DLGAP1: variants seen among roughly 807,000 people sequenced by gnomAD.
The protein encoded by DLGAP1 is disks large-associated protein 1.
DLGAP1 carries 11 observed loss-of-function variants against 90.8 expected under a neutral mutation model. That is an observed-to-expected ratio of 0.12 (90% CI 0.08 to 0.20). DLGAP1 has a LOEUF of 0.20. Among genes scored for constraint, DLGAP1 ranks in the 10% least tolerant of loss-of-function variants. The probability of loss-of-function intolerance (pLI) is 1.00; values close to 1 mark genes in which losing one functional copy is unlikely to be tolerated. For synonymous variants in DLGAP1, 558 were observed against 540.7 expected (o/e 1.03, Z -0.44); for missense variants, 1,050 against 1,333.8 (o/e 0.79, Z 3.31).
chr18:3,879,690 C>A lies in DLGAP1; in HGVS notation c.379G>T (p.Ala127Ser), dbSNP rs779939084. The A allele has an allele frequency of 6.2e-7, 1 of 1,607,572 alleles. No homozygotes were observed. The highest frequency in any genetic ancestry group is 8.5e-7 in the Non-Finnish European group (1 of 1,179,760). The change falls in exon 4 of 13, where the codon GCC (alanine) becomes TCC (serine). Residue 127 changes from alanine (A) to serine (S), a missense_variant. By Grantham distance (99) the Ala-to-Ser change is moderately conservative (BLOSUM62 1). This residue lies in a region of DLGAP1 where 485 missense variants were observed against 454.1 expected (regional missense o/e 1.07). Coordinates refer to ENST00000315677, the MANE Select transcript of DLGAP1 (RefSeq NM_004746.4). The surrounding 1 kb of genome is among the most constrained non-coding windows in gnomAD (Gnocchi z 6.6). ...GGGCTGTCGCTGCGGTGCTCCACGG[C>A]CGTGCGCTTGTACTGCAGGGTGTGA... ...GYHTLQYKRT[A>S]VEHRSDSPGR...
Position 3,591,915 on chromosome 18 carries a change from C to T in DLGAP1, c.1592-9667G>A, listed in dbSNP as rs184049096. Among the ~76,000 whole-genome samples the T allele has an allele frequency of 2.0e-5, 3 of 152,080 alleles. No individual in the cohort carries two copies. The East Asian group carries it at 5.8e-4, about 30-fold the overall frequency. On this transcript the variant is annotated intron_variant, in intron 7 of 12. Transcript: ENST00000315677. ...GTCCATAGAAGGAATATGAGGACCT[C>T]ATAACAGAGGGAGTTCTCAGCCCCT...
At chr18:3,613,225 TG>T (rs2057713694) in intron 7 of DLGAP1, among the ~76,000 whole-genome samples, 1 of 152,210 alleles carries the variant, frequency 6.6e-6, no homozygotes, top group Non-Finnish European at 1.5e-5. Context: ...CATGAATTGT[TG>T]GTAGCACCTC....
chr18:3,761,958 A>G (rs968669789), intron 5 of DLGAP1, among the ~76,000 whole-genome samples: 1 of 152,116 alleles, frequency 6.6e-6, no homozygotes, highest in African/African-American at 2.4e-5. Context: ...TTTCTATTTC[A>G]TTTCTCAGTA....
At chr18:4,090,433 G>A (rs2075757271) in intron 2 of DLGAP1, among the ~76,000 whole-genome samples, 1 of 152,166 alleles carries the variant, frequency 6.6e-6, no homozygotes, top group South Asian at 2.1e-4. Context: ...AGCGGGCAAA[G>A]GACATGTACA....
At chr18:4,194,240 A>T (rs1025016103) in intron 1 of DLGAP1, among the ~76,000 whole-genome samples, 1 of 152,134 alleles carries the variant, frequency 6.6e-6, no homozygotes, top group Admixed American at 6.6e-5. Flanking sequence ...TTCCACTTAT[A>T]ACTGAAAGCA....
At chr18:4,404,615 T>C (rs1401971393) in intron 1 of DLGAP1, among the ~76,000 whole-genome samples, 4 of 152,358 alleles carry the variant, frequency 2.6e-5, no homozygotes, top group South Asian at 2.1e-4. Flanking sequence ...ATAAATCTAA[T>C]GAATTTGAAT....
intron 1 of DLGAP1, among the ~76,000 whole-genome samples, chr18:4,208,261 TAA>T (rs2077762379): frequency 6.6e-6 from 1 of 152,216 alleles, no homozygotes; most frequent in Admixed American, 6.5e-5. Context: ...ACATCTAAAA[TAA>T]TTTCCATAGA....
chr18:3,732,121 T>C (rs189440155), intron 6 of DLGAP1, among the ~76,000 whole-genome samples: 10 of 152,344 alleles, frequency 6.6e-5, no homozygotes, highest in South Asian at 4.1e-4. Context: ...GTTTGCCCCA[T>C]AGAGGTTCCC....
At chr18:3,691,220 G>C (rs572960173) in intron 7 of DLGAP1, among the ~76,000 whole-genome samples, 3 of 152,008 alleles carry the variant, frequency 2.0e-5, no homozygotes, top group Non-Finnish European at 4.4e-5. Flanking sequence ...AGGTGGAGGC[G>C]GGTGGATCAC....
At chr18:3,926,022 G>A (rs1008687818) in intron 3 of DLGAP1, among the ~76,000 whole-genome samples, 2 of 152,136 alleles carry the variant, frequency 1.3e-5, no homozygotes, top group Admixed American at 6.5e-5. Flanking sequence ...TGAGGTATGG[G>A]ACAGCAATTC....
At chr18:3,726,034 T>A (rs1461725809) in intron 7 of DLGAP1, among the ~76,000 whole-genome samples, 1 of 152,218 alleles carries the variant, frequency 6.6e-6, no homozygotes, top group Non-Finnish European at 1.5e-5. Flanking sequence ...AGATTTAGAA[T>A]GTGGATTGCT....
chr18:3,533,810 G>A (rs1164541695), intron 10 of DLGAP1, among the ~76,000 whole-genome samples: 2 of 152,098 alleles, frequency 1.3e-5, no homozygotes, highest in Non-Finnish European at 2.9e-5. Context: ...TATATTCATA[G>A]GATACATGAG....
intron 9 of DLGAP1, among the ~76,000 whole-genome samples, chr18:3,551,204 G>A (rs180990491): frequency 4.1e-5 from 6 of 145,894 alleles, no homozygotes; most frequent in Admixed American, 4.1e-4. Context: ...CTTTTTTTCT[G>A]AAATTTATCT....
In DLGAP1 at chr18:3,742,463, G is replaced by A; in HGVS notation, c.1222C>T (p.Leu408=). 1 of 1,614,164 alleles carries A rather than the reference G, an allele frequency of 6.2e-7. No homozygotes were observed. The highest frequency in any genetic ancestry group is 8.5e-7 in the Non-Finnish European group (1 of 1,180,038). ...ATGGAGACTTCACTCACTGCCCTCAGGTAACTATGACTCCGGATCTGGAGT... is the reference window on the plus strand; with the variant it reads ...ATGGAGACTTCACTCACTGCCCTCAAGTAACTATGACTCCGGATCTGGAGT... ...PKLQIRSHSY[L]RAVSEVSINR... The change falls in exon 6 of 13, where the codon CTG becomes TTG. Residue 408 remains leucine (L), a synonymous_variant. Coordinates refer to ENST00000315677, the MANE Select transcript of DLGAP1 (RefSeq NM_004746.4).
chr18:4,138,393 A>G (rs183087328), intron 2 of DLGAP1, among the ~76,000 whole-genome samples: 1 of 152,086 alleles, frequency 6.6e-6, no homozygotes, highest in East Asian at 1.9e-4. Flanking sequence ...TTTTGTCCTT[A>G]ATTCTCTTTA....
intron 1 of DLGAP1, among the ~76,000 whole-genome samples, chr18:4,281,476 C>T (rs1385121762): frequency 6.6e-6 from 1 of 152,086 alleles, no homozygotes; most frequent in Non-Finnish European, 1.5e-5. Context: ...ATTGCCTAAA[C>T]CCAGGAGGCA....
intron 5 of DLGAP1, among the ~76,000 whole-genome samples, chr18:3,772,012 T>C (rs996199354): frequency 6.6e-6 from 1 of 152,200 alleles, no homozygotes; most frequent in Admixed American, 6.5e-5. Context: ...TAAAATACAA[T>C]AGAATTATGA....
At chr18:4,284,720 C>T (rs182029642) in intron 1 of DLGAP1, among the ~76,000 whole-genome samples, 37 of 152,244 alleles carry the variant, frequency 2.4e-4, no homozygotes, top group South Asian at 2.3e-3. Flanking sequence ...GGAGTGCCGC[C>T]TTCACAGGTC....
intron 3 of DLGAP1, among the ~76,000 whole-genome samples, chr18:3,981,348 G>A (rs2073723933): frequency 1.3e-5 from 2 of 152,232 alleles, no homozygotes; most frequent in Admixed American, 1.3e-4. Context: ...TGAAGTAGGA[G>A]TATCTTCTGA....
Sources: gnomAD v4.1 joint callset for allele counts (sites outside exome capture counted in the v4.1 genomes callset) on GRCh38, gnomAD v4.1.1 for gene constraint, gnomAD v4.1.1 regional missense constraint, Gnocchi (gnomAD v3.1) non-coding constraint, MANE v1.5 for transcripts, NCBI Gene and HGNC (gene_info 2026-07-23, HGNC 2026-07-21) for gene names.